The following PIP4K2A variants were observed in gnomAD, a reference collection of about 807,000 sequenced individuals.
PIP4K2A encodes phosphatidylinositol 5-phosphate 4-kinase type-2 alpha.
PIP4K2A carries 14 observed loss-of-function variants against 42.9 expected under a neutral mutation model. The ratio of observed to expected loss-of-function variants is 0.33; its 90% CI spans 0.22 to 0.51. The LOEUF (loss-of-function observed/expected upper bound fraction) is 0.51, where lower values mean the gene tolerates loss of function less well. Among genes scored for constraint, PIP4K2A ranks in the 20% least tolerant of loss-of-function variants. PIP4K2A has a pLI of 0.97. For missense variants in PIP4K2A, 434 were observed against 519.8 expected (o/e 0.83, Z 1.61); for synonymous variants, 192 against 192.2 (o/e 1.00, Z 0.01).
chr10:22,662,757 G>A (rs1226941978), intron 1 of PIP4K2A, among the ~76,000 whole-genome samples: 1 of 151,748 alleles, frequency 6.6e-6, no homozygotes, highest in African/African-American at 2.4e-5. Flanking sequence ...CAGGGGCAAG[G>A]AATTAACTAA....
At chr10:22,686,752 G>A (rs563290377) in intron 1 of PIP4K2A, among the ~76,000 whole-genome samples, 13 of 152,252 alleles carry the variant, frequency 8.5e-5, no homozygotes, top group African/African-American at 2.2e-4. Flanking sequence ...TTATAGGTGT[G>A]AGCCACCGTG....
At chr10:22,640,992 A>G (rs539294530) in intron 1 of PIP4K2A, among the ~76,000 whole-genome samples, 2 of 152,234 alleles carry the variant, frequency 1.3e-5, no homozygotes, top group Non-Finnish European at 2.9e-5. Flanking sequence ...CATTTTGAAA[A>G]AAAAATTTAA....
At chr10:22,575,844 A>G (rs997571752) in intron 4 of PIP4K2A, among the ~76,000 whole-genome samples, 2 of 152,030 alleles carry the variant, frequency 1.3e-5, no homozygotes, top group Non-Finnish European at 2.9e-5. Context: ...AGGCTGAGGC[A>G]GAAGAACTAC....
chr10:22,572,368 C>A (rs1292564399), intron 5 of PIP4K2A, among the ~76,000 whole-genome samples: 1 of 152,208 alleles, frequency 6.6e-6, no homozygotes, highest in Non-Finnish European at 1.5e-5. Flanking sequence ...ATAATCCCAG[C>A]ACTTTGGAAG....
At chr10:22,671,225 CA>C (rs1486803324) in intron 1 of PIP4K2A, among the ~76,000 whole-genome samples, 3 of 152,122 alleles carry the variant, frequency 2.0e-5, no homozygotes, top group Non-Finnish European at 4.4e-5. Flanking sequence ...GCTAATTCAA[CA>C]TACTATTGAC....
chr10:22,600,426 G>A (rs1351998699), intron 3 of PIP4K2A, among the ~76,000 whole-genome samples: 3 of 152,074 alleles, frequency 2.0e-5, no homozygotes, highest in East Asian at 3.9e-4. Flanking sequence ...TGGGGGGCCG[G>A]AGAGAGCACT....
intron 5 of PIP4K2A, among the ~76,000 whole-genome samples, chr10:22,570,928 G>T (rs1333672218): frequency 6.6e-6 from 1 of 152,024 alleles, no homozygotes; most frequent in African/African-American, 2.4e-5. Flanking sequence ...CCTGGTTTTT[G>T]TGACTTGTGA....
chr10:22,601,213 T>G (rs565824614), intron 3 of PIP4K2A, among the ~76,000 whole-genome samples: 70 of 143,294 alleles, frequency 4.9e-4, no homozygotes, highest in Admixed American at 9.9e-4. Flanking sequence ...GCGTTTAACC[T>G]GGAGAGAAGC....
chr10:22,537,560 T>TCAAA (rs1353797762), intron 9 of PIP4K2A, among the ~76,000 whole-genome samples: 1 of 152,006 alleles, frequency 6.6e-6, no homozygotes, highest in African/African-American at 2.4e-5. Context: ...CACAAAAAAA[T>TCAAA]CAAACAGGCC....
At chr10:22,693,834 A>C (rs956621254) in intron 1 of PIP4K2A, 6 of 152,206 alleles carry the variant, frequency 3.9e-5, no homozygotes, top group African/African-American at 1.4e-4. Flanking sequence ...AAAAATTACA[A>C]CTACCATCTG....
intron 6 of PIP4K2A, among the ~76,000 whole-genome samples, chr10:22,554,978 G>A (rs1474197670): frequency 1.3e-5 from 2 of 152,176 alleles, no homozygotes; most frequent in Admixed American, 6.5e-5. Flanking sequence ...AATCTGCTGC[G>A]GTGGGTTGGA....
rs1190326699 is a variant in PIP4K2A at position 22,683,076 on chromosome 10, ACAAC to A, written c.144+31103_144+31106del. ...AAGAAAAAGAAAAACAACAACAACA[ACAAC>A]AACAACAAAAACAGCTGACACGACA... On this transcript the variant is annotated intron_variant, in intron 1 of 9. Transcript: ENST00000376573. Among the ~76,000 whole-genome samples the A allele has an allele frequency of 2.4e-3, 348 of 145,644 alleles. 3 individuals carry two copies. Among genetic ancestry groups the A allele is most frequent in the African/African-American group, 8.7e-3 (329 of 38,018 alleles).
intron 7 of PIP4K2A, among the ~76,000 whole-genome samples, chr10:22,547,701 A>T (rs554960384): frequency 6.6e-6 from 1 of 152,340 alleles, no homozygotes; most frequent in African/African-American, 2.4e-5. Flanking sequence ...ATGTGAGTCA[A>T]TGAGAGGAGA....
chr10:22,703,719 C>T (rs555630976), intron 1 of PIP4K2A, among the ~76,000 whole-genome samples: 7 of 152,364 alleles, frequency 4.6e-5, no homozygotes, highest in African/African-American at 1.7e-4. Context: ...TCTGCCACTG[C>T]TGCAGACAAG....
At chr10:22,538,049 G>T (rs1181029198) in intron 9 of PIP4K2A, among the ~76,000 whole-genome samples, 1 of 152,236 alleles carries the variant, frequency 6.6e-6, no homozygotes, top group Non-Finnish European at 1.5e-5. Flanking sequence ...ACTCAAGGGA[G>T]TCACTCACTG....
In PIP4K2A at chr10:22,536,361, C is replaced by T. The variant is rs989216755; in HGVS notation, c.*840G>A. On this transcript the variant is annotated 3_prime_UTR_variant, in exon 10 of 10. Coordinates refer to ENST00000376573, the MANE Select transcript of PIP4K2A (RefSeq NM_005028.5). Reference sequence around the variant, plus strand: ...GCAACGTAAGGGTGAACAATGAAGGCTCCAGGCAAGAAAAGAGAAGTAAGC... The same window carrying T: ...GCAACGTAAGGGTGAACAATGAAGGTTCCAGGCAAGAAAAGAGAAGTAAGC... The T allele has an allele frequency of 2.6e-5, 9 of 349,104 alleles. No individual in the cohort carries two copies. Among genetic ancestry groups the T allele is most frequent in the African/African-American group, 1.7e-4 (8 of 47,022 alleles). The allele number at this position is 349,104 out of a possible 1,614,324, so 21.6% of individuals were successfully genotyped here.
In PIP4K2A at chr10:22,535,276, T is replaced by G. The variant is rs1835891511; in HGVS notation, c.*1925A>C. On this transcript the variant is annotated 3_prime_UTR_variant, in exon 10 of 10. Transcript: ENST00000376573. ...GAACTTCACAACACAAAAACTGATCTGATGCCAGAATTAATGGTGCAGGGA... is the reference window on the plus strand; with the variant it reads ...GAACTTCACAACACAAAAACTGATCGGATGCCAGAATTAATGGTGCAGGGA... 6.6e-6 allele frequency: 1 copy of G among 152,244 alleles called. No individual in the cohort carries two copies. The highest frequency in any genetic ancestry group is 2.4e-5 in the African/African-American group (1 of 41,460). 9.4% of individuals were successfully genotyped at this position (152,244 alleles called of 1,614,324 possible). A position where few individuals can be genotyped will look rare whatever the true frequency, so the allele number is the denominator to read the frequency against.
At chr10:22,699,161 G>T (rs935086744) in intron 1 of PIP4K2A, among the ~76,000 whole-genome samples, 1 of 152,148 alleles carries the variant, frequency 6.6e-6, no homozygotes, top group Non-Finnish European at 1.5e-5. Flanking sequence ...GTGCCTTATG[G>T]ATTTATCATA....
chr10:22,643,404 C>T (rs1299722536), intron 1 of PIP4K2A, among the ~76,000 whole-genome samples: 2 of 152,162 alleles, frequency 1.3e-5, no homozygotes, highest in African/African-American at 4.8e-5. Flanking sequence ...AAAATACTTA[C>T]TGTCTTTTTG....
Sources: gnomAD v4.1 joint callset for allele counts (sites outside exome capture counted in the v4.1 genomes callset) on GRCh38, gnomAD v4.1.1 for gene constraint, MANE v1.5 for transcripts, NCBI Gene and HGNC (gene_info 2026-07-23, HGNC 2026-07-21) for gene names.